The following PACRGL variants were observed in gnomAD, a reference collection of about 807,000 sequenced individuals.
The protein encoded by PACRGL is PACRG-like protein.
In PACRGL, 38 loss-of-function variants were observed where a neutral mutation model predicts 34.5. That is an observed-to-expected ratio of 1.10 (90% CI 0.85 to 1.44). The LOEUF (loss-of-function observed/expected upper bound fraction) is 1.44, where lower values mean the gene tolerates loss of function less well. Ranked by LOEUF, PACRGL falls within the 40% of genes most tolerant of loss-of-function variation. The probability of loss-of-function intolerance (pLI) is 0.00; values close to 1 mark genes in which losing one functional copy is unlikely to be tolerated. For synonymous variants in PACRGL, 128 were observed against 100.1 expected, an observed-to-expected ratio of 1.28 and a Z score of -1.66; for missense variants, 305 against 281.4, an observed-to-expected ratio of 1.08 and a Z score of -0.60.
At chr4:20,740,366 C>T (rs1216936045) in intron 8 of PACRGL, among the ~76,000 whole-genome samples, 1 of 152,160 alleles carries the variant, frequency 6.6e-6, no homozygotes, top group Non-Finnish European at 1.5e-5. Flanking sequence ...GCCCATCAGA[C>T]TAACAGCGGA....
chr4:20,727,334 G>A lies in PACRGL; in HGVS notation c.740G>A (p.Cys247Tyr), dbSNP rs753291944. 6.2e-7 allele frequency: 1 copy of A among 1,612,190 alleles called. No homozygotes were observed. The highest frequency in any genetic ancestry group is 8.5e-7 in the Non-Finnish European group (1 of 1,178,502). Reference protein sequence around the residue: ...KSKIPTYCSICC With the variant: ...KSKIPTYCSIYC ...AAAATTCCAACATACTGCTCCATAT[G>A]CTGTTGAAGAAGGGAGCCAACAAAA... The change falls in exon 9 of 9, where the codon TGC (cysteine) becomes TAC (tyrosine). Residue 247 changes from cysteine (C) to tyrosine (Y), a missense_variant. Physicochemically the swap from Cys to Tyr is radical, Grantham distance 194. Transcript: ENST00000503585.
the PACRGL span, among the ~76,000 whole-genome samples, chr4:20,759,479 A>G: frequency 5.3e-5 from 8 of 152,114 alleles, no homozygotes; most frequent in Admixed American, 1.3e-4. Flanking sequence ...CTGCAAAGAA[A>G]TGGCCTGGCC....
chr4:20,701,749 TC>T (rs1453179048), intron 1 of PACRGL: 8 of 409,120 alleles, frequency 2.0e-5, no homozygotes, highest in Non-Finnish European at 4.0e-5. Context: ...ACTCCCTCCC[TC>T]CCCCCAGTCT....
intron 7 of PACRGL, among the ~76,000 whole-genome samples, chr4:20,721,630 C>T (rs963017690): frequency 3.9e-5 from 6 of 152,208 alleles, no homozygotes; most frequent in African/African-American, 1.4e-4. Context: ...GTGGAGGCTG[C>T]AGAACAGCGA....
downstream of PACRGL, among the ~76,000 whole-genome samples, chr4:20,757,376 A>G (rs531639812): frequency 6.6e-6 from 1 of 152,250 alleles, no homozygotes; most frequent in African/African-American, 2.4e-5. Flanking sequence ...CCACTGACCT[A>G]TCAGTGAAAT....
At chr4:20,718,717 T>A (rs1463153120) in intron 7 of PACRGL, 2 of 152,260 alleles carry the variant, frequency 1.3e-5, no homozygotes, top group African/African-American at 4.8e-5. Flanking sequence ...TTTGATGTGC[T>A]GCTGGATTCG....
intron 8 of PACRGL, among the ~76,000 whole-genome samples, chr4:20,746,928 A>G (rs1752537031): frequency 1.3e-5 from 2 of 152,094 alleles, no homozygotes; most frequent in Admixed American, 1.3e-4. Flanking sequence ...TCATTCCCTA[A>G]CCATTTCTAT....
chr4:20,751,132 A>G (rs967074539), intron 8 of PACRGL, among the ~76,000 whole-genome samples: 5 of 152,202 alleles, frequency 3.3e-5, no homozygotes, highest in African/African-American at 1.2e-4. Context: ...CAATTTCTCA[A>G]AATGACAGTG....
chr4:20,715,749 C>A (rs1418222673), intron 7 of PACRGL, among the ~76,000 whole-genome samples: 1 of 152,042 alleles, frequency 6.6e-6, no homozygotes, highest in Non-Finnish European at 1.5e-5. Context: ...CACCTGTAGT[C>A]CCAGCTTCAG....
At chr4:20,757,563 C>T (rs1382058084), downstream of PACRGL, among the ~76,000 whole-genome samples, 1 of 152,164 alleles carries the variant, frequency 6.6e-6, no homozygotes, top group Non-Finnish European at 1.5e-5. Context: ...CTGGCAATTT[C>T]CTGCAAATGC....
downstream of PACRGL, chr4:20,734,680 T>C (rs780880706): frequency 3.1e-6 from 5 of 1,603,842 alleles, no homozygotes; most frequent in Middle Eastern, 1.7e-4. Context: ...AAATGCCCAA[T>C]TGAGTTTTTC....
chr4:20,720,679 T>C (rs1410948942), intron 7 of PACRGL, among the ~76,000 whole-genome samples: 1 of 152,222 alleles, frequency 6.6e-6, no homozygotes, highest in Non-Finnish European at 1.5e-5. Flanking sequence ...TTGTAGAGTG[T>C]CTGCCACGAG....
At chr4:20,710,152 A>T (rs1736472595) in intron 5 of PACRGL, among the ~76,000 whole-genome samples, 1 of 152,174 alleles carries the variant, frequency 6.6e-6, no homozygotes, top group Admixed American at 6.5e-5. Context: ...ATGTACAACC[A>T]ATCGTGTTGA....
rs1746194772 is a variant in PACRGL at position 20,727,323 on chromosome 4, C to A, written c.729C>A (p.Tyr243Ter). The A allele has an allele frequency of 1.2e-6, 2 of 1,612,892 alleles. No homozygotes were observed. The highest frequency in any genetic ancestry group is 4.5e-5 in the East Asian group (2 of 44,778). The change falls in exon 9 of 9, where the codon TAC becomes TAA. Residue 243 changes from tyrosine (Y) to a stop codon, truncating the protein, a stop_gained. Coordinates refer to ENST00000503585, the MANE Select transcript of PACRGL (RefSeq NM_001258345.3). LOFTEE classifies it high-confidence loss of function. ...LSIIKSKIPT[Y>*]CSICC ...TCATCAAATCTAAAATTCCAACATA[C>A]TGCTCCATATGCTGTTGAAGAAGGG...
chr4:20,743,344 A>G (rs887978903), intron 8 of PACRGL, among the ~76,000 whole-genome samples: 1 of 152,160 alleles, frequency 6.6e-6, no homozygotes, highest in East Asian at 1.9e-4. Flanking sequence ...AAAGCTGGAG[A>G]CATCATGCTG....
chr4:20,731,078 C>A lies in PACRGL; in HGVS notation c.*3737C>A, dbSNP rs549273287. Among the ~76,000 whole-genome samples, 1 of 152,162 alleles carries A rather than the reference C, an allele frequency of 6.6e-6. No homozygotes were observed. Among genetic ancestry groups the A allele is most frequent in the Non-Finnish European group, 1.5e-5 (1 of 67,988 alleles). On this transcript the variant is annotated 3_prime_UTR_variant, in exon 9 of 9. Transcript: ENST00000503585. ...TGTTTTCAGGATTATTTGAAAAATT[C>A]TTTTTTTCTTTTTTTAGTTTTGAGG...
chr4:20,721,639 G>A (rs532022103), intron 7 of PACRGL, among the ~76,000 whole-genome samples: 94 of 152,214 alleles, frequency 6.2e-4, no homozygotes, highest in African/African-American at 2.1e-3. Flanking sequence ...GCAGAACAGC[G>A]AATATTGCTG....
intron 5 of PACRGL, among the ~76,000 whole-genome samples, chr4:20,710,433 T>C (rs1736639350): frequency 6.6e-6 from 1 of 152,200 alleles, no homozygotes; most frequent in South Asian, 2.1e-4. Context: ...CCAGTTGTCT[T>C]GTATTTAAAC....
the PACRGL span, among the ~76,000 whole-genome samples, chr4:20,763,546 G>A: frequency 1.3e-5 from 2 of 151,928 alleles, no homozygotes; most frequent in African/African-American, 4.8e-5. Context: ...TTTTTTTGTT[G>A]TTAGAGATCA....
Sources: gnomAD v4.1 joint callset for allele counts (sites outside exome capture counted in the v4.1 genomes callset) on GRCh38, gnomAD v4.1.1 for gene constraint, MANE v1.5 for transcripts, NCBI Gene and HGNC (gene_info 2026-07-23, HGNC 2026-07-21) for gene names.